Variants in MX1 observed in about 807,000 individuals in gnomAD.
MX1 encodes MX dynamin like GTPase 1.
A neutral mutation model predicts 66.4 loss-of-function variants in MX1; 66 were observed. That is an observed-to-expected ratio of 0.99 (90% CI 0.82 to 1.22). The LOEUF is 1.22. Among genes scored for constraint, MX1 ranks in the 50% most tolerant of loss-of-function variants. The pLI, the probability that MX1 is intolerant of heterozygous loss-of-function variation, is 0.00. For missense variants in MX1, 787 were observed against 834.3 expected (o/e 0.94, Z 0.70); for synonymous variants, 311 against 318.1 (o/e 0.98, Z 0.24).
At chr21:41,448,333 A>G (rs1408732354) in intron 13 of MX1, among the ~76,000 whole-genome samples, 1 of 152,254 alleles carries the variant, frequency 6.6e-6, no homozygotes, top group Non-Finnish European at 1.5e-5. Flanking sequence ...ACTTGTAAAC[A>G]CTTTCTACAC....
At chr21:41,452,958 T>G in intron 16 of MX1, 89 bp downstream of exon 16, 2 of 1,503,364 alleles carry the variant, frequency 1.3e-6, no homozygotes, top group Non-Finnish European at 1.8e-6. Flanking sequence ...TCTCTGTAGG[T>G]GACGTTGGTC....
In MX1 at chr21:41,436,958, C is replaced by G. The variant is rs911291112; in HGVS notation, c.299-57C>G. ...AAGTTTGAGAACCATGGGCCTAAGG[C>G]GCTATGTAGGTCTTTTAAGAGCAAA... On this transcript the variant is annotated intron_variant, in intron 6 of 16. Coordinates refer to ENST00000398598, the MANE Select transcript of MX1 (RefSeq NM_002462.5). 3.8e-6 allele frequency: 6 copies of G among 1,598,090 alleles called. No homozygotes were observed. The African/African-American group carries it at 4.0e-5, about 11-fold the overall frequency.
intron 10 of MX1, among the ~76,000 whole-genome samples, chr21:41,443,214 T>C (rs2090568281): frequency 6.6e-6 from 1 of 152,232 alleles, no homozygotes; most frequent in African/African-American, 2.4e-5. Flanking sequence ...GCTGCCTTTA[T>C]CCTAAAATGT....
At position 41,427,201 on chromosome 21, in the gene MX1, T is replaced by C. The variant is rs1436546371; in HGVS notation, c.-308-5T>C. 2 of 152,228 alleles carry C rather than the reference T, an allele frequency of 1.3e-5. No homozygotes were observed. The highest frequency in any genetic ancestry group is 2.9e-5 in the Non-Finnish European group (2 of 68,060). 9.4% of individuals were successfully genotyped at this position (152,228 alleles called of 1,614,324 possible). ...GGCTCCTAAAATGGCTGTGTCATCTTTCAGCCTTGGACCGCAGTTGCCGGC... is the reference window on the plus strand; with the variant it reads ...GGCTCCTAAAATGGCTGTGTCATCTCTCAGCCTTGGACCGCAGTTGCCGGC... On this transcript the variant is annotated splice_region_variant and splice_polypyrimidine_tract_variant and intron_variant, in intron 1 of 16. Transcript: ENST00000398598.
chr21:41,421,414 C>G (rs1052170638), upstream of MX1: 1 of 153,492 alleles, frequency 6.5e-6, no homozygotes, highest in Non-Finnish European at 1.4e-5. Context: ...AGCACAGACC[C>G]TTTATGGGTG....
intron 15 of MX1, 37 bp downstream of exon 15, chr21:41,451,280 A>T: frequency 7.8e-7 from 1 of 1,277,524 alleles, no homozygotes; most frequent in Non-Finnish European, 1.1e-6. Context: ...AAAAAAAAAG[A>T]AAAGAAATTA....
chr21:41,442,950 G>A (rs956396251), intron 10 of MX1, among the ~76,000 whole-genome samples: 2 of 152,222 alleles, frequency 1.3e-5, no homozygotes, highest in African/African-American at 4.8e-5. Flanking sequence ...CCAGGGGCTG[G>A]GAGAGAGAGA....
intron 12 of MX1, 141 bp from the exon 13 acceptor site, chr21:41,445,859 C>T (rs939364656): frequency 1.8e-6 from 2 of 1,123,236 alleles, no homozygotes; most frequent in Non-Finnish European, 2.5e-6. Flanking sequence ...GTGCCAAAAC[C>T]TCTTCTTTCC....
upstream of MX1, among the ~76,000 whole-genome samples, chr21:41,424,044 A>C (rs2090019316): frequency 6.6e-6 from 1 of 152,226 alleles, no homozygotes; most frequent in African/African-American, 2.4e-5. Flanking sequence ...TGTTGGAAAC[A>C]GCAGCAGCAT....
chr21:41,443,909 C>A lies in MX1; in HGVS notation c.1008+43C>A, dbSNP rs147884904. On this transcript the variant is annotated intron_variant, in intron 11 of 16. Coordinates refer to ENST00000398598, the MANE Select transcript of MX1 (RefSeq NM_002462.5). ...TGTGGGTTCTCTAAAAAGAATACTACGACCGCAGAGCTGAACCTTGCTGGC... is the reference window on the plus strand; with the variant it reads ...TGTGGGTTCTCTAAAAAGAATACTAAGACCGCAGAGCTGAACCTTGCTGGC... 7.5e-4 allele frequency: 1,169 copies of A among 1,568,812 alleles called. 2 individuals are homozygous for A. Among genetic ancestry groups the A allele is most frequent in the Non-Finnish European group, 9.7e-4 (1,107 of 1,138,922 alleles).
intron 16 of MX1, 130 bp downstream of exon 16, chr21:41,452,999 CTG>C: frequency 9.7e-7 from 1 of 1,027,548 alleles, no homozygotes; most frequent in Non-Finnish European, 1.4e-6. Context: ...TGTTAGCCTC[CTG>C]TATTAGTCCA....
intron 14 of MX1, chr21:41,449,555 C>T: frequency 2.8e-6 from 1 of 358,222 alleles, no homozygotes; most frequent in South Asian, 7.1e-5. Flanking sequence ...GGTCACAAGT[C>T]CCAGACCTCC....
intron 5 of MX1, among the ~76,000 whole-genome samples, chr21:41,432,556 C>G (rs2090249262): frequency 6.6e-6 from 1 of 152,202 alleles, no homozygotes; most frequent in African/African-American, 2.4e-5. Context: ...TGTAGGGAAG[C>G]CACGTGGTGA....
intron 16 of MX1, among the ~76,000 whole-genome samples, chr21:41,457,720 A>G (rs537227109): frequency 6.6e-6 from 1 of 152,292 alleles, no homozygotes; most frequent in African/African-American, 2.4e-5. Context: ...CTATTTTGCC[A>G]TCTTAACCAT....
intron 6 of MX1, 98 bp from the exon 7 acceptor site, chr21:41,436,917 C>A: frequency 1.4e-6 from 2 of 1,439,156 alleles, no homozygotes; most frequent in South Asian, 1.3e-5. Flanking sequence ...AAATGTCTCC[C>A]CATATGATTG....
At chr21:41,433,795 A>G (rs543733159) in intron 5 of MX1, among the ~76,000 whole-genome samples, 1 of 152,210 alleles carries the variant, frequency 6.6e-6, no homozygotes, top group Non-Finnish European at 1.5e-5. Context: ...GTACATGCAT[A>G]TTTGCTTTAT....
At position 41,450,970 on chromosome 21, in the gene MX1, G is replaced by A. The variant is rs1013019345; in HGVS notation, c.1433-197G>A. The A allele has an allele frequency of 1.0e-5, 4 of 380,978 alleles. No individual in the cohort carries two copies. The Admixed American group carries it at 1.3e-4, about 12-fold the overall frequency. 23.6% of individuals were successfully genotyped at this position (380,978 alleles called of 1,614,324 possible). On this transcript the variant is annotated intron_variant, in intron 14 of 16. Transcript: ENST00000398598. ...AAATATCAAATAAATGTATGCCAGG[G>A]GTCATTTGCTTTTAAGATTCTTCCA...
chr21:41,433,581 C>T (rs768064362), intron 5 of MX1, among the ~76,000 whole-genome samples: 3 of 152,164 alleles, frequency 2.0e-5, no homozygotes, highest in Non-Finnish European at 2.9e-5. Flanking sequence ...ATTCCACTTA[C>T]GTAAAATTCC....
chr21:41,451,161 G>T lies in MX1; in HGVS notation c.1433-6G>T, dbSNP rs1568993939. 6.3e-7 allele frequency: 1 copy of T among 1,597,748 alleles called. No homozygotes were observed. Among genetic ancestry groups the T allele is most frequent in the Non-Finnish European group, 8.6e-7 (1 of 1,167,340 alleles). ...AATATTGAACTATTTTTCTCTCTTT[G>T]ATTAGATATGGTCCGGCTTGCTTTC... is the stretch of plus-strand genomic sequence containing the variant. On this transcript the variant is annotated splice_polypyrimidine_tract_variant and splice_region_variant and intron_variant, in intron 14 of 16. Transcript: ENST00000398598.
Sources: gnomAD v4.1 joint callset for allele counts (sites outside exome capture counted in the v4.1 genomes callset) on GRCh38, gnomAD v4.1.1 for gene constraint, MANE v1.5 for transcripts, NCBI Gene and HGNC (gene_info 2026-07-23, HGNC 2026-07-21) for gene names.